LINGO1: variants seen among roughly 807,000 people sequenced by gnomAD.
LINGO1 encodes leucine-rich repeat and immunoglobulin-like domain-containing nogo receptor-interacting protein 1.
A neutral mutation model predicts 37.3 loss-of-function variants in LINGO1; 11 were observed. The ratio of observed to expected loss-of-function variants is 0.29; its 90% CI spans 0.19 to 0.49. The LOEUF (loss-of-function observed/expected upper bound fraction) is 0.49, where lower values mean the gene tolerates loss of function less well. LINGO1 is among the 20% of genes least tolerant of loss of function. The probability of loss-of-function intolerance (pLI) is 0.99; values close to 1 mark genes in which losing one functional copy is unlikely to be tolerated. For synonymous variants in LINGO1, 387 were observed against 403.0 expected, an observed-to-expected ratio of 0.96 and a Z score of 0.48; for missense variants, 585 against 878.2, an observed-to-expected ratio of 0.67 and a Z score of 4.22.
chr15:77,640,257 C>G (rs1458434449), intron 3 of LINGO1, among the ~76,000 whole-genome samples: 1 of 152,184 alleles, frequency 6.6e-6, no homozygotes, highest in Non-Finnish European at 1.5e-5. Flanking sequence ...TTTGCAGAGA[C>G]CCTGTGAGCC....
intron 1 of LINGO1, among the ~76,000 whole-genome samples, chr15:77,768,196 T>G (rs2076548493): frequency 6.6e-6 from 1 of 152,058 alleles, no homozygotes; most frequent in Non-Finnish European, 1.5e-5. Flanking sequence ...CAGCAACCCC[T>G]GCCTCCACCC....
intron 1 of LINGO1, among the ~76,000 whole-genome samples, chr15:77,756,481 GACAGAC>G (rs770703532): frequency 5.4e-4 from 69 of 128,262 alleles, no homozygotes; most frequent in African/African-American, 1.4e-3. Flanking sequence ...ATGACAGACA[GACAGAC>G]ACACACACAC....
At chr15:77,703,133 C>T (rs181672680) in intron 2 of LINGO1, among the ~76,000 whole-genome samples, 10 of 152,308 alleles carry the variant, frequency 6.6e-5, no homozygotes, top group Admixed American at 5.9e-4. Flanking sequence ...AGATAAGCCA[C>T]GGCAAGGGGC....
chr15:77,708,241 TG>T (rs2075876420), intron 2 of LINGO1, among the ~76,000 whole-genome samples: 1 of 152,168 alleles, frequency 6.6e-6, no homozygotes, highest in Admixed American at 6.5e-5. Flanking sequence ...GGAGGGTGGA[TG>T]GCAAGCCCTG....
At chr15:77,747,683 G>A (rs12907119) in intron 1 of LINGO1, among the ~76,000 whole-genome samples, 21,395 of 152,226 alleles carry the variant, frequency 0.14, 1,931 homozygotes, top group African/African-American at 0.26. Context: ...GCCAGAGAAG[G>A]AGGCTGCACC....
intron 2 of LINGO1, among the ~76,000 whole-genome samples, chr15:77,680,500 G>C (rs72744599): frequency 0.14 from 21,058 of 152,116 alleles, 1,520 homozygotes; most frequent in Middle Eastern, 0.19. Flanking sequence ...ATTTCAGTGG[G>C]GGTAGAATAA....
rs150165642 is a variant in LINGO1, at chr15:77,735,217, G to A, written c.-256-164C>T. Among the ~76,000 whole-genome samples the A allele has an allele frequency of 4.2e-3, 638 of 152,314 alleles. 6 individuals are homozygous for A. Among genetic ancestry groups the A allele is most frequent in the African/African-American group, 0.014 (569 of 41,564 alleles). The stretch of plus-strand genomic sequence containing the variant: ...TGGACCCTGCCCTCTGGAAGCTTGC[G>A]GGCAAGCCTAAAGATGCCACATTCA... On this transcript the variant is annotated intron_variant, in intron 1 of 3. Coordinates refer to the LINGO1 transcript ENST00000561686.
chr15:77,640,190 C>T (rs2074473736), intron 3 of LINGO1, among the ~76,000 whole-genome samples: 1 of 152,174 alleles, frequency 6.6e-6, no homozygotes, highest in East Asian at 1.9e-4. Context: ...TCACTCCTTT[C>T]CCTAGATAGG....
At chr15:77,667,096 G>C (rs1280070998) in intron 3 of LINGO1, 3 of 152,382 alleles carry the variant, frequency 2.0e-5, no homozygotes, top group African/African-American at 4.8e-5. Flanking sequence ...GGTAAGGAGG[G>C]TCTGGGGTCT....
At chr15:77,762,494 G>A (rs1337995076) in intron 1 of LINGO1, among the ~76,000 whole-genome samples, 2 of 152,140 alleles carry the variant, frequency 1.3e-5, no homozygotes, top group Non-Finnish European at 2.9e-5. Flanking sequence ...GGCCCTAAGA[G>A]GAGCAGATAC....
At chr15:77,777,668 T>C (rs1423042627) in intron 1 of LINGO1, among the ~76,000 whole-genome samples, 1 of 152,166 alleles carries the variant, frequency 6.6e-6, no homozygotes, top group Admixed American at 6.5e-5. Context: ...GGCTCATGCC[T>C]GTAATCCTAG....
At chr15:77,814,178 G>T (rs1206513244) in intron 1 of LINGO1, among the ~76,000 whole-genome samples, 1 of 152,184 alleles carries the variant, frequency 6.6e-6, no homozygotes, top group Non-Finnish European at 1.5e-5. Context: ...CCCCAAGTTG[G>T]TCTAGACAGA....
At chr15:77,720,222 C>T (rs898746630) in intron 2 of LINGO1, among the ~76,000 whole-genome samples, 3 of 135,500 alleles carry the variant, frequency 2.2e-5, no homozygotes, top group East Asian at 6.4e-4. Flanking sequence ...ATTGGGAGCT[C>T]GTTAATTATC....
chr15:77,816,071 G>A (rs867188521), intron 1 of LINGO1, among the ~76,000 whole-genome samples: 2 of 152,166 alleles, frequency 1.3e-5, no homozygotes, highest in African/African-American at 4.8e-5. Context: ...ATCAAGTGCC[G>A]GAAAATCTCA....
chr15:77,735,224 C>G (rs899157807), intron 1 of LINGO1, among the ~76,000 whole-genome samples: 1 of 152,220 alleles, frequency 6.6e-6, no homozygotes, highest in Non-Finnish European at 1.5e-5. Context: ...TGCGGGCAAG[C>G]CTAAAGATGC....
intron 3 of LINGO1, among the ~76,000 whole-genome samples, chr15:77,640,148 C>T (rs2074473080): frequency 6.6e-6 from 1 of 152,146 alleles, no homozygotes; most frequent in South Asian, 2.1e-4. Flanking sequence ...TCTCCCTGGC[C>T]TCAGTTTATT....
chr15:77,636,479 T>G (rs2074398744), upstream of LINGO1, among the ~76,000 whole-genome samples: 1 of 152,080 alleles, frequency 6.6e-6, no homozygotes, highest in Non-Finnish European at 1.5e-5. Flanking sequence ...GAGTGGGGGT[T>G]GGGCAGCTGG....
At chr15:77,785,169 A>C (rs776040912) in intron 1 of LINGO1, 4 of 152,096 alleles carry the variant, frequency 2.6e-5, no homozygotes, top group Non-Finnish European at 5.9e-5. Context: ...AGTGAGTCTG[A>C]CTCAGGGCCT....
At chr15:77,753,429 G>A (rs953675903) in intron 1 of LINGO1, among the ~76,000 whole-genome samples, 2 of 152,206 alleles carry the variant, frequency 1.3e-5, no homozygotes, top group Non-Finnish European at 2.9e-5. Flanking sequence ...GAGACTCTGC[G>A]GGCCTGGCTG....
Sources: allele counts gnomAD v4.1 joint callset (sites outside exome capture counted in the v4.1 genomes callset), GRCh38; gene constraint gnomAD v4.1.1; transcripts MANE v1.5; gene names NCBI Gene and HGNC (gene_info 2026-07-23, HGNC 2026-07-21).